PKIB: variants seen among roughly 807,000 people sequenced by gnomAD.
PKIB encodes PKI-beta.
Under a neutral mutation model 4.5 loss-of-function variants are expected in PKIB, and 2 were observed. That is an observed-to-expected ratio of 0.44 (90% CI 0.18 to 1.39). The LOEUF is 1.39. PKIB is among the 40% of genes most tolerant of loss of function. PKIB has a pLI of 0.27. For synonymous variants in PKIB, 38 were observed against 36.0 expected (o/e 1.06, Z -0.20); for missense variants, 94 against 92.6 (o/e 1.02, Z -0.06).
chr6:122,608,712 C>T (rs1377648679), upstream of PKIB, among the ~76,000 whole-genome samples: 2 of 152,210 alleles, frequency 1.3e-5, no homozygotes, highest in Non-Finnish European at 2.9e-5. Context: ...ATGGGCCATA[C>T]ATTCCAGTGG....
intron 3 of PKIB, among the ~76,000 whole-genome samples, chr6:122,690,939 T>TC (rs1562304047): frequency 6.7e-6 from 1 of 149,750 alleles, no homozygotes; most frequent in East Asian, 1.9e-4. Context: ...TATATTTTTT[T>TC]TTTTTTTTGC....
chr6:122,672,256 A>G (rs1260786765), intron 2 of PKIB, among the ~76,000 whole-genome samples: 6 of 152,166 alleles, frequency 3.9e-5, no homozygotes, highest in Non-Finnish European at 8.8e-5. Flanking sequence ...TTGAAGCCCG[A>G]GGTACCCAGA....
intron 4 of PKIB, among the ~76,000 whole-genome samples, chr6:122,721,766 C>G (rs1007621863): frequency 1.3e-5 from 2 of 151,370 alleles, no homozygotes; most frequent in Non-Finnish European, 2.9e-5. Context: ...TAATAAGGAT[C>G]TCAACATAAT....
intron 2 of PKIB, among the ~76,000 whole-genome samples, chr6:122,651,723 G>A (rs1453491764): frequency 6.6e-6 from 1 of 152,116 alleles, no homozygotes; most frequent in African/African-American, 2.4e-5. Context: ...TAGCCCTGTG[G>A]TTATAGGAGA....
At chr6:122,690,964 T>C (rs1418460439) in intron 3 of PKIB, among the ~76,000 whole-genome samples, 1 of 149,184 alleles carries the variant, frequency 6.7e-6, no homozygotes, top group East Asian at 2.0e-4. Flanking sequence ...TATACTATTC[T>C]AGGGTAAAAG....
intron 4 of PKIB, among the ~76,000 whole-genome samples, chr6:122,718,822 G>A (rs1311714222): frequency 6.6e-6 from 1 of 152,026 alleles, no homozygotes; most frequent in Non-Finnish European, 1.5e-5. Flanking sequence ...AATGTTCCTG[G>A]TTCATTCTCT....
chr6:122,634,764 A>G (rs1200391853), intron 2 of PKIB, among the ~76,000 whole-genome samples: 1 of 152,082 alleles, frequency 6.6e-6, no homozygotes, highest in Non-Finnish European at 1.5e-5. Context: ...TTATGTCAAC[A>G]TGTCTAAAAA....
chr6:122,686,604 C>T (rs1479961917), intron 3 of PKIB, among the ~76,000 whole-genome samples: 2 of 151,744 alleles, frequency 1.3e-5, no homozygotes, highest in Non-Finnish European at 2.9e-5. Context: ...CTCAAGCAGT[C>T]CCCCCACCTC....
At chr6:122,547,038 T>A (rs557519892) in intron 2 of PKIB, among the ~76,000 whole-genome samples, 3 of 152,276 alleles carry the variant, frequency 2.0e-5, no homozygotes, top group Admixed American at 6.5e-5. Context: ...GACTAGTGAA[T>A]AACAAAGTCA....
At chr6:122,479,673 T>A (rs1775549629) in intron 2 of PKIB, 1 of 152,202 alleles carries the variant, frequency 6.6e-6, no homozygotes, top group African/African-American at 2.4e-5. Context: ...CTGCTTTATT[T>A]AAAGATTTTC....
At chr6:122,557,385 G>C (rs1028405550) in intron 2 of PKIB, among the ~76,000 whole-genome samples, 1 of 152,010 alleles carries the variant, frequency 6.6e-6, no homozygotes, top group Non-Finnish European at 1.5e-5. Context: ...CAAAATTTGG[G>C]GTCTGCTTTA....
intron 3 of PKIB, among the ~76,000 whole-genome samples, chr6:122,695,549 A>G (rs1778538182): frequency 6.6e-6 from 1 of 152,188 alleles, no homozygotes; most frequent in South Asian, 2.1e-4. Context: ...CTGAAACACT[A>G]TGGTGAATAT....
At chr6:122,655,893 G>A (rs963130824) in intron 2 of PKIB, among the ~76,000 whole-genome samples, 1 of 152,030 alleles carries the variant, frequency 6.6e-6, no homozygotes, top group Non-Finnish European at 1.5e-5. Context: ...GAAAGAAGTA[G>A]CTATTTATGT....
At chr6:122,693,717 T>C (rs1778442334) in intron 3 of PKIB, among the ~76,000 whole-genome samples, 1 of 152,204 alleles carries the variant, frequency 6.6e-6, no homozygotes, top group Non-Finnish European at 1.5e-5. Flanking sequence ...TCAATGAATA[T>C]TTTCTATCTA....
At chr6:122,664,653 C>A (rs1463354025) in intron 2 of PKIB, among the ~76,000 whole-genome samples, 2 of 152,106 alleles carry the variant, frequency 1.3e-5, no homozygotes, top group Non-Finnish European at 2.9e-5. Flanking sequence ...ACCTCAGCCT[C>A]CCAAGTGCTG....
rs757294596 is a variant in PKIB, at chr6:122,530,990, C to T, written c.-248+53051C>T. ...ACTCAATTTGCCTCTGTGGTTCTCACAGGATATTCTGTTATTGTCAACTCA... is the reference window on the plus strand; with the variant it reads ...ACTCAATTTGCCTCTGTGGTTCTCATAGGATATTCTGTTATTGTCAACTCA... On this transcript the variant is annotated intron_variant, in intron 2 of 6. Coordinates refer to the PKIB transcript ENST00000392491. 2.0e-5 allele frequency: 3 copies of T among 152,170 alleles called. No individual in the cohort carries two copies. The South Asian group carries it at 6.2e-4, about 31-fold the overall frequency. The allele number at this position is 152,170 out of a possible 1,614,324, so 9.4% of individuals were successfully genotyped here.
intron 1 of PKIB, among the ~76,000 whole-genome samples, chr6:122,615,683 G>T (rs1012195629): frequency 1.3e-5 from 2 of 152,170 alleles, no homozygotes; most frequent in Non-Finnish European, 2.9e-5. Context: ...AACCCAATAT[G>T]ACTGGTTTCC....
intron 2 of PKIB, among the ~76,000 whole-genome samples, chr6:122,553,153 A>G (rs1020583946): frequency 6.6e-6 from 1 of 151,980 alleles, no homozygotes; most frequent in Non-Finnish European, 1.5e-5. Flanking sequence ...AGCATGGTCT[A>G]CTCTGCTCTT....
intron 1 of PKIB, among the ~76,000 whole-genome samples, chr6:122,632,562 G>GAA (rs1405363335): frequency 6.6e-6 from 1 of 152,102 alleles, no homozygotes; most frequent in Non-Finnish European, 1.5e-5. Context: ...TTTAAATGGG[G>GAA]ACTTTTTTAC....
Sources: allele counts gnomAD v4.1 joint callset (sites outside exome capture counted in the v4.1 genomes callset), GRCh38; gene constraint gnomAD v4.1.1; transcripts MANE v1.5; gene names NCBI Gene and HGNC (gene_info 2026-07-23, HGNC 2026-07-21).